The following FHIT variants were observed in gnomAD, a reference collection of about 807,000 sequenced individuals.
The protein encoded by FHIT is bis(5'-adenosyl)-triphosphatase.
FHIT carries 19 observed loss-of-function variants against 17.9 expected under a neutral mutation model. The observed-to-expected ratio is 1.06, with a 90% CI of 0.74 to 1.56. The LOEUF (loss-of-function observed/expected upper bound fraction) is 1.56, where lower values mean the gene tolerates loss of function less well. Among genes scored for constraint, FHIT ranks in the 40% most tolerant of loss-of-function variants. The pLI is 0.00. For missense variants in FHIT, 248 were observed against 189.2 expected, an observed-to-expected ratio of 1.31 and a Z score of -1.82; for synonymous variants, 81 against 69.7, an observed-to-expected ratio of 1.16 and a Z score of -0.81.
At chr3:60,199,026 G>A (rs1702773502) in intron 5 of FHIT, among the ~76,000 whole-genome samples, 1 of 152,186 alleles carries the variant, frequency 6.6e-6, no homozygotes, top group African/African-American at 2.4e-5. Flanking sequence ...GTTTTCTAAA[G>A]GAGTTGTCAG....
Position 59,753,682 on chromosome 3 carries a change from G to A in FHIT, c.349-1361C>T, listed in dbSNP as rs138219004. Among the ~76,000 whole-genome samples the A allele has an allele frequency of 1.1e-3, 160 of 152,196 alleles. 1 individual carries two copies. Among genetic ancestry groups the A allele is most frequent in the Middle Eastern group, 3.4e-3 (1 of 294 alleles). The stretch of plus-strand genomic sequence containing the variant: ...AGCTAGCATTTATGATGTGAAAGGC[G>A]CACATTATTTCTTTGATATACATTA... On this transcript the variant is annotated intron_variant, in intron 8 of 9. Transcript: ENST00000492590.
At chr3:60,517,151 G>A (rs775176717) in intron 5 of FHIT, among the ~76,000 whole-genome samples, 3 of 152,092 alleles carry the variant, frequency 2.0e-5, no homozygotes, top group African/African-American at 4.8e-5. Context: ...AGTTATAAAG[G>A]CTCAAGAGTT....
intron 3 of FHIT, among the ~76,000 whole-genome samples, chr3:60,888,981 C>T (rs558157081): frequency 2.0e-5 from 3 of 152,288 alleles, no homozygotes; most frequent in Admixed American, 6.5e-5. Context: ...ATGTTCAATT[C>T]TTTGCCTTCT....
At chr3:60,807,982 T>C (rs1164232023) in intron 4 of FHIT, among the ~76,000 whole-genome samples, 1 of 152,248 alleles carries the variant, frequency 6.6e-6, no homozygotes, top group Non-Finnish European at 1.5e-5. Flanking sequence ...GGGGACCTCA[T>C]AGGCAGTCCA....
chr3:60,381,811 GCTCTGTAA>G (rs79805018), intron 5 of FHIT, among the ~76,000 whole-genome samples: 53,478 of 151,064 alleles, frequency 0.35, 10,479 homozygotes, highest in East Asian at 0.68. Context: ...GATGATAATG[GCTCTGTAA>G]CTCTGTAACT....
At chr3:60,704,869 CT>C (rs10711092) in intron 4 of FHIT, among the ~76,000 whole-genome samples, 16,707 of 151,974 alleles carry the variant, frequency 0.11, 1,971 homozygotes, top group African/African-American at 0.3. Context: ...TCAGAGATAT[CT>C]TGAGAGGCTG....
intron 5 of FHIT, among the ~76,000 whole-genome samples, chr3:60,070,572 A>G (rs1702722578): frequency 1.3e-5 from 2 of 150,754 alleles, no homozygotes; most frequent in South Asian, 4.2e-4. Flanking sequence ...AGATTAGGGA[A>G]GACAAACAAA....
At chr3:59,851,477 G>A (rs1012162224) in intron 8 of FHIT, among the ~76,000 whole-genome samples, 2 of 152,050 alleles carry the variant, frequency 1.3e-5, no homozygotes, top group Non-Finnish European at 2.9e-5. Context: ...GAAAAACTAA[G>A]TAACTTGTCT....
intron 5 of FHIT, among the ~76,000 whole-genome samples, chr3:60,200,211 G>A (rs1241552040): frequency 6.6e-6 from 1 of 152,156 alleles, no homozygotes; most frequent in Non-Finnish European, 1.5e-5. Context: ...GATTGTGGGT[G>A]CTCCCTGACG....
At chr3:60,395,794 T>C (rs934970553) in intron 5 of FHIT, among the ~76,000 whole-genome samples, 2 of 152,318 alleles carry the variant, frequency 1.3e-5, no homozygotes, top group South Asian at 4.1e-4. Flanking sequence ...AAGAAATGGA[T>C]ACCAGAATTC....
At chr3:59,886,816 G>A (rs147095677) in intron 8 of FHIT, among the ~76,000 whole-genome samples, 10 of 152,262 alleles carry the variant, frequency 6.6e-5, no homozygotes, top group Admixed American at 2.0e-4. Context: ...AATTATTTCC[G>A]CAGTCCAGTG....
intron 3 of FHIT, among the ~76,000 whole-genome samples, chr3:61,013,030 GAT>G (rs2031884460): frequency 6.6e-6 from 1 of 151,938 alleles, no homozygotes; most frequent in South Asian, 2.1e-4. Context: ...ATTCCAAACG[GAT>G]ATACTTAAAA....
Position 60,363,930 on chromosome 3 carries a change from C to A in FHIT, c.103+172930G>T, listed in dbSNP as rs985069288. ...CTCTAAAGGCAGGCTCTTCTCCACA[C>A]TTCTGTCCTTTGAGGTTCCCACAAC... On this transcript the variant is annotated intron_variant, in intron 5 of 9. Transcript: ENST00000492590. Among the ~76,000 whole-genome samples, 12 of 152,286 alleles carry A rather than the reference C, an allele frequency of 7.9e-5. No homozygotes were observed. The East Asian group carries it at 1.9e-3, about 25-fold the overall frequency.
intron 5 of FHIT, among the ~76,000 whole-genome samples, chr3:60,133,698 G>A (rs1265382454): frequency 6.6e-6 from 1 of 151,734 alleles, no homozygotes; most frequent in Non-Finnish European, 1.5e-5. Flanking sequence ...ATACTGGGCA[G>A]AGCCCTTCCA....
chr3:60,612,503 G>A (rs1210540346), intron 4 of FHIT, among the ~76,000 whole-genome samples: 1 of 152,184 alleles, frequency 6.6e-6, no homozygotes, highest in Non-Finnish European at 1.5e-5. Context: ...GGCTTTAGCA[G>A]CAGAGTATAA....
intron 3 of FHIT, among the ~76,000 whole-genome samples, chr3:60,940,087 C>T (rs1273108847): frequency 4.6e-5 from 7 of 152,112 alleles, no homozygotes; most frequent in South Asian, 2.1e-4. Context: ...CTCTATGAAA[C>T]GGTTTTACTG....
intron 3 of FHIT, among the ~76,000 whole-genome samples, chr3:60,869,629 C>T (rs369477353): frequency 7.2e-5 from 11 of 152,216 alleles, no homozygotes; most frequent in East Asian, 1.9e-4. Context: ...ACTTTTGCCA[C>T]GGAGCCATGT....
intron 5 of FHIT, among the ~76,000 whole-genome samples, chr3:60,304,518 T>G (rs571401229): frequency 3.9e-5 from 6 of 152,196 alleles, no homozygotes; most frequent in Admixed American, 3.3e-4. Context: ...TTACTCCTAT[T>G]TTACAGATGA....
chr3:61,147,962 C>A (rs572963224), intron 2 of FHIT, among the ~76,000 whole-genome samples: 1 of 151,588 alleles, frequency 6.6e-6, no homozygotes, highest in South Asian at 2.1e-4. Flanking sequence ...AAATGAACTT[C>A]TTATTTTAAC....
Sources: gnomAD v4.1 joint callset for allele counts (sites outside exome capture counted in the v4.1 genomes callset) on GRCh38, gnomAD v4.1.1 for gene constraint, MANE v1.5 for transcripts, NCBI Gene and HGNC (gene_info 2026-07-23, HGNC 2026-07-21) for gene names.